Variants in GABRD observed in about 807,000 individuals in gnomAD.
GABRD encodes the protein gamma-aminobutyric acid type A receptor subunit delta.
A neutral mutation model predicts 47.3 loss-of-function variants in GABRD; 25 were observed. The ratio of observed to expected loss-of-function variants is 0.53; its 90% CI spans 0.39 to 0.74. The LOEUF (loss-of-function observed/expected upper bound fraction) is 0.74, where lower values mean the gene tolerates loss of function less well. Among genes scored for constraint, GABRD ranks in the 30% least tolerant of loss-of-function variants. The pLI is 0.00. For synonymous variants in GABRD, 314 were observed against 278.8 expected (o/e 1.13, Z -1.26); for missense variants, 497 against 643.4 (o/e 0.77, Z 2.46).
rs1006515470 is a variant in GABRD at position 2,028,361 on chromosome 1, C to T, written c.691+69C>T. 33 of 1,405,722 alleles carry T rather than the reference C, an allele frequency of 2.3e-5. No individual in the cohort carries two copies. In the Middle Eastern group the frequency reaches 1.0e-3, roughly 44 times the overall value. 87.1% of individuals were successfully genotyped at this position (1,405,722 alleles called of 1,614,324 possible). A position where few individuals can be genotyped will look rare whatever the true frequency, so the allele number is the denominator to read the frequency against. ...TTCCGCGCGCGCCCACCGCCCCTTC[C>T]GCGCGCGCCCACCGCCCCTTCCGCG... On this transcript the variant is annotated intron_variant, in intron 6 of 8. Coordinates refer to ENST00000378585, the MANE Select transcript of GABRD (RefSeq NM_000815.5). This position sits in a 1 kb window ranked among gnomAD's most constrained non-coding sequence, Gnocchi z 6.4.
rs142619552 is a variant in GABRD, at chr1:2,030,014, C to T, written c.1091C>T (p.Ser364Phe). The change falls in exon 9 of 9, where the codon TCC becomes TTC. Residue 364 changes from serine (S) to phenylalanine (F), a missense_variant. This residue lies in a region of GABRD where 285 missense variants were observed against 436.6 expected (regional missense o/e 0.65). Transcript: ENST00000378585. ...GTGAGGAACGCCATTGTCCTCTTCT[C>T]CCTCTCTGCTGCCGGCGTCACGCAG... ...MDVRNAIVLF[S>F]LSAAGVTQEL... 2 of 1,612,754 alleles carry T rather than the reference C, an allele frequency of 1.2e-6. No individual in the cohort carries two copies. The highest frequency in any genetic ancestry group is 1.7e-6 in the Non-Finnish European group (2 of 1,179,898).
At position 2,028,813 on chromosome 1, in the gene GABRD, C is replaced by T. The variant is rs1659002892; in HGVS notation, c.692-298C>T. 1 of 475,676 alleles carries T rather than the reference C, an allele frequency of 2.1e-6. No individual in the cohort carries two copies. Among genetic ancestry groups the T allele is most frequent in the South Asian group, 2.8e-5 (1 of 35,474 alleles). The allele number at this position is 475,676 out of a possible 1,614,324, so 29.5% of individuals were successfully genotyped here. On this transcript the variant is annotated intron_variant, in intron 6 of 8. Coordinates refer to ENST00000378585, the MANE Select transcript of GABRD (RefSeq NM_000815.5). The surrounding 1 kb of genome is among the most constrained non-coding windows in gnomAD (Gnocchi z 6.4). ...TTAGGAGAGAAAGGGGTGAGCCCTC[C>T]CCATTGGTTGCGAGGGTCCCTCAGG...
At position 2,021,082 on chromosome 1, in the gene GABRD, G is replaced by T. The variant is rs569702311; in HGVS notation, c.68+1591G>T. ...GGAAGGCCACGGCCCAGCCAGGAGT[G>T]GGGGGCCTCTGGGCCTGCAGTCACT... On this transcript the variant is annotated intron_variant, in intron 1 of 8. Coordinates refer to ENST00000378585, the MANE Select transcript of GABRD (RefSeq NM_000815.5). 2.6e-5 allele frequency among the ~76,000 whole-genome samples: 4 copies of T among 152,324 alleles called. No individual in the cohort carries two copies. The South Asian group carries it at 6.2e-4, about 24-fold the overall frequency.
chr1:2,030,315 G>A lies in GABRD; in HGVS notation c.*33G>A. ...ACTCAGGCCACCCTCGCTTGTCCTG[G>A]CGCCCGGCGGCAGCTGCCCAGAAAC... is the stretch of plus-strand genomic sequence containing the variant. On this transcript the variant is annotated 3_prime_UTR_variant, in exon 9 of 9. Transcript: ENST00000378585. 1 of 1,471,432 alleles carries A rather than the reference G, an allele frequency of 6.8e-7. No homozygotes were observed. The allele number at this position is 1,471,432 out of a possible 1,614,324, so 91.1% of individuals were successfully genotyped here. A position where few individuals can be genotyped will look rare whatever the true frequency, so the allele number is the denominator to read the frequency against.
At position 2,028,152 on chromosome 1, in the gene GABRD, C is replaced by G. The variant is rs1452411789; in HGVS notation, c.554-3C>G. The G allele has an allele frequency of 6.2e-7, 1 of 1,607,328 alleles. No homozygotes were observed. On this transcript the variant is annotated splice_polypyrimidine_tract_variant and splice_region_variant and intron_variant, in intron 5 of 8. Transcript: ENST00000378585. The surrounding 1 kb of genome is among the most constrained non-coding windows in gnomAD (Gnocchi z 6.4). The stretch of plus-strand genomic sequence containing the variant: ...GCCGCCCACCTGTGTGCTTTTCCTC[C>G]AGACGGTTACTCATCGGAGGACATC...
At chr1:2,024,907 C>G in intron 1 of GABRD, 35 bp from the exon 2 acceptor site, 1 of 1,479,748 alleles carries the variant, frequency 6.8e-7, no homozygotes, top group South Asian at 1.1e-5. Context: ...TAAATTAAGT[C>G]CTGGCCTGTC....
intron 1 of GABRD, chr1:2,024,735 G>T: frequency 2.0e-6 from 1 of 492,938 alleles, no homozygotes; most frequent in South Asian, 3.0e-5. Flanking sequence ...CAGGGCCAGT[G>T]GAAGAGGCTG....
Position 2,025,001 on chromosome 1 carries a change from A to G in GABRD, c.128A>G (p.Asn43Ser), listed in dbSNP as rs760114023. 4 of 1,612,860 alleles carry G rather than the reference A, an allele frequency of 2.5e-6. No homozygotes were observed. The highest frequency in any genetic ancestry group is 3.4e-6 in the Non-Finnish European group (4 of 1,179,876). ...GSNLEISWLP[N>S]LDGLIAGYAR... ...AACCTGGAGATCTCCTGGCTCCCCA[A>G]CCTGGACGGGCTGATAGCCGGCTAC... Residue 43 changes from asparagine to serine, a missense_variant, in exon 2 of 9, where the codon AAC becomes AGC. Asn to Ser is a conservative substitution (Grantham distance 46). Transcript: ENST00000378585.
chr1:2,023,407 G>T (rs559318405), intron 1 of GABRD, among the ~76,000 whole-genome samples: 142 of 152,168 alleles, frequency 9.3e-4, no homozygotes, highest in African/African-American at 3.2e-3. Flanking sequence ...CTCGAGCCCA[G>T]GTCGCAGTCT....
At chr1:2,027,733 G>A in intron 5 of GABRD, 74 bp downstream of exon 5, 1 of 1,342,812 alleles carries the variant, frequency 7.4e-7, no homozygotes, top group South Asian at 1.2e-5. Flanking sequence ...CCCGGGGCCT[G>A]GACAAGGCTG....
In GABRD at chr1:2,027,465, G is replaced by A; in HGVS notation, c.471-112G>A. The A allele has an allele frequency of 8.6e-6, 7 of 812,160 alleles. No homozygotes were observed. The South Asian group carries it at 1.0e-4, about 12-fold the overall frequency. 50.3% of individuals were successfully genotyped at this position (812,160 alleles called of 1,614,324 possible). On this transcript the variant is annotated intron_variant, in intron 4 of 8. Coordinates refer to ENST00000378585, the MANE Select transcript of GABRD (RefSeq NM_000815.5). Reference sequence around the variant, plus strand: ...ATTCTGGGCAAACACAGTCTGAGAAGTAGCTGGGGCTCCAGGCAGGTGCTC... The same window carrying A: ...ATTCTGGGCAAACACAGTCTGAGAAATAGCTGGGGCTCCAGGCAGGTGCTC...
intron 1 of GABRD, 90 bp downstream of exon 1, chr1:2,019,581 G>A: frequency 1.2e-6 from 1 of 803,182 alleles, no homozygotes; most frequent in Non-Finnish European, 1.6e-6. Context: ...CGGCCGGCGC[G>A]AGCCCCGGGC....
At chr1:2,025,492 C>T (rs1658897545) in intron 3 of GABRD, 26 bp from the exon 4 acceptor site, 3 of 1,611,904 alleles carry the variant, frequency 1.9e-6, no homozygotes, top group South Asian at 1.1e-5. Context: ...CAAGGCTGAC[C>T]CCCGGCCCCT....
intron 1 of GABRD, among the ~76,000 whole-genome samples, chr1:2,020,576 C>T (rs1658745847): frequency 1.3e-5 from 2 of 152,230 alleles, no homozygotes; most frequent in South Asian, 4.1e-4. Context: ...GCCCCTGGCT[C>T]TAAGCAGCCC....
rs1261900980 is a variant in GABRD, at chr1:2,019,471, G to A, written c.48G>A (p.Ala16=). The A allele has an allele frequency of 9.0e-7, 1 of 1,105,198 alleles. No homozygotes were observed. Among genetic ancestry groups the A allele is most frequent in the Non-Finnish European group, 1.1e-6 (1 of 908,378 alleles). The allele number at this position is 1,105,198 out of a possible 1,614,324, so 68.5% of individuals were successfully genotyped here. A position where few individuals can be genotyped will look rare whatever the true frequency, so the allele number is the denominator to read the frequency against. ...TGGCCCCGCTCCTGCTCCTCTGCGC[G>A]CAGCAGCTCCGCGGCACCAGGTGAG... The part of the protein sequence containing the change: ...RLLAPLLLLC[A]QQLRGTRAMN... Residue 16 remains alanine (A), a synonymous_variant, in exon 1 of 9, where the codon GCG becomes GCA. Transcript: ENST00000378585.
At chr1:2,029,426 T>C (rs1312944789) in intron 7 of GABRD, 125 bp from the exon 8 acceptor site, 2 of 1,272,980 alleles carry the variant, frequency 1.6e-6, no homozygotes, top group Admixed American at 4.0e-5. Context: ...AAACAGGACC[T>C]GCTCCCTGGG....
chr1:2,024,565 A>T, intron 1 of GABRD: 1 of 168,710 alleles, frequency 5.9e-6, no homozygotes, highest in Non-Finnish European at 1.3e-5. Context: ...GAGGGACCCC[A>T]GGGGTGGAGA....
Position 2,024,989 on chromosome 1 carries a change from C to T in GABRD, c.116C>T (p.Ser39Phe). 1.2e-6 allele frequency: 2 copies of T among 1,612,978 alleles called. No individual in the cohort carries two copies. The highest frequency in any genetic ancestry group is 1.7e-6 in the Non-Finnish European group (2 of 1,179,898). Residue 39 changes from serine to phenylalanine, a missense_variant, in exon 2 of 9, where the codon TCC becomes TTC. Ser to Phe is a radical substitution (Grantham distance 155). Around this residue, in one of 3 missense-constraint regions of GABRD, gnomAD observed 91 missense variants for 85.5 expected, o/e 1.06. Coordinates refer to ENST00000378585, the MANE Select transcript of GABRD (RefSeq NM_000815.5). Reference sequence around the variant, plus strand: ...TACGTGGGCTCCAACCTGGAGATCTCCTGGCTCCCCAACCTGGACGGGCTG... The same window carrying T: ...TACGTGGGCTCCAACCTGGAGATCTTCTGGCTCCCCAACCTGGACGGGCTG... ...GDYVGSNLEI[S>F]WLPNLDGLIA...
At chr1:2,029,312 T>C (rs1354777788) in intron 7 of GABRD, 46 bp downstream of exon 7, 1 of 1,531,030 alleles carries the variant, frequency 6.5e-7, no homozygotes, top group East Asian at 2.4e-5. Context: ...AGGGCGGCCC[T>C]GGGGAACAGG....
Sources: allele counts gnomAD v4.1 joint callset (sites outside exome capture counted in the v4.1 genomes callset), GRCh38; gene constraint gnomAD v4.1.1; regional missense constraint gnomAD v4.1.1; non-coding constraint Gnocchi (gnomAD v3.1); transcripts MANE v1.5; gene names NCBI Gene and HGNC (gene_info 2026-07-23, HGNC 2026-07-21).